Variants in ZNF475 observed in about 807,000 individuals in gnomAD.
The protein encoded by ZNF475 is zinc finger protein 475.
chr5:122,173,233 T>C, the ZNF475 span, among the ~76,000 whole-genome samples: 1 of 152,238 alleles, frequency 6.6e-6, no homozygotes, highest in Non-Finnish European at 1.5e-5. Context: ...TATTGAGTTG[T>C]GTATTTCACA....
At chr5:122,177,793 T>C in the ZNF475 span, among the ~76,000 whole-genome samples, 1 of 152,134 alleles carries the variant, frequency 6.6e-6, no homozygotes, top group African/African-American at 2.4e-5. Flanking sequence ...GTGTGCAGAA[T>C]GTGCAGGTTT....
the ZNF475 span, among the ~76,000 whole-genome samples, chr5:122,163,804 G>T: frequency 1.3e-5 from 2 of 152,326 alleles, no homozygotes; most frequent in African/African-American, 2.4e-5. Flanking sequence ...TGTGCACAGC[G>T]TCTTGGAAAT....
the ZNF475 span, among the ~76,000 whole-genome samples, chr5:122,178,917 G>A: frequency 6.6e-6 from 1 of 152,132 alleles, no homozygotes; most frequent in Non-Finnish European, 1.5e-5. Flanking sequence ...TTTGTATAAG[G>A]TGTAAGGAAG....
the ZNF475 span, chr5:122,182,644 G>C: frequency 6.5e-7 from 1 of 1,533,976 alleles, no homozygotes; most frequent in South Asian, 1.2e-5. Flanking sequence ...GCCAAGTAAA[G>C]CCCTTTTCTC....
At chr5:122,177,161 T>C in the ZNF475 span, among the ~76,000 whole-genome samples, 1 of 152,168 alleles carries the variant, frequency 6.6e-6, no homozygotes, top group East Asian at 1.9e-4. Context: ...GAATCAACCT[T>C]GGTGAGGAAA....
chr5:122,178,406 G>A, the ZNF475 span, among the ~76,000 whole-genome samples: 24 of 152,190 alleles, frequency 1.6e-4, no homozygotes, highest in Non-Finnish European at 4.4e-5. Flanking sequence ...TCCAGCATCT[G>A]TTGTTTCCTG....
chr5:122,164,529 G>C, the ZNF475 span, among the ~76,000 whole-genome samples: 1 of 152,156 alleles, frequency 6.6e-6, no homozygotes, highest in African/African-American at 2.4e-5. Flanking sequence ...CCACATGTTT[G>C]TGTGATAGCT....
chr5:122,169,298 T>A, the ZNF475 span, among the ~76,000 whole-genome samples: 1 of 152,226 alleles, frequency 6.6e-6, no homozygotes, highest in African/African-American at 2.4e-5. Flanking sequence ...CTTCCCTTTC[T>A]TTCTGCTTCA....
chr5:122,176,345 G>A, the ZNF475 span, among the ~76,000 whole-genome samples: 294 of 152,012 alleles, frequency 1.9e-3, no homozygotes, highest in African/African-American at 6.6e-3. Context: ...TACTGAATTT[G>A]CAGGCCTGTA....
the ZNF475 span, among the ~76,000 whole-genome samples, chr5:122,170,069 T>C: frequency 6.6e-6 from 1 of 152,228 alleles, no homozygotes; most frequent in Non-Finnish European, 1.5e-5. Flanking sequence ...CTGATATGTA[T>C]TCAACCATAA....
chr5:122,163,443 G>A, the ZNF475 span: 1 of 152,190 alleles, frequency 6.6e-6, no homozygotes, highest in African/African-American at 2.4e-5. Flanking sequence ...ACCAAGCATG[G>A]AGGGAGGGGA....
chr5:122,172,474 G>A, the ZNF475 span, among the ~76,000 whole-genome samples: 2 of 152,256 alleles, frequency 1.3e-5, no homozygotes, highest in East Asian at 1.9e-4. Context: ...ACTTCCTGGG[G>A]CTAATAGACA....
the ZNF475 span, among the ~76,000 whole-genome samples, chr5:122,174,648 C>A: frequency 6.6e-6 from 1 of 152,288 alleles, no homozygotes; most frequent in East Asian, 1.9e-4. Context: ...TGTCTTCTGA[C>A]CTCTGTGTCT....
At chr5:122,171,087 T>A in the ZNF475 span, among the ~76,000 whole-genome samples, 1 of 151,986 alleles carries the variant, frequency 6.6e-6, no homozygotes, top group Admixed American at 6.5e-5. Context: ...CTAATATTAA[T>A]TCTAATTCCA....
chr5:122,162,227 A>G, the ZNF475 span: 3 of 152,258 alleles, frequency 2.0e-5, no homozygotes, highest in African/African-American at 4.8e-5. Context: ...CTTAGGTTAA[A>G]AGGAACAAAA....
the ZNF475 span, among the ~76,000 whole-genome samples, chr5:122,175,862 A>C: frequency 6.6e-6 from 1 of 152,160 alleles, no homozygotes; most frequent in African/African-American, 2.4e-5. Flanking sequence ...CAACAAAACA[A>C]AGCTTTCTTT....
chr5:122,165,388 C>T, the ZNF475 span, among the ~76,000 whole-genome samples: 1 of 152,210 alleles, frequency 6.6e-6, no homozygotes, highest in South Asian at 2.1e-4. Context: ...ACAAAGTACA[C>T]ATTGACATAT....
the ZNF475 span, among the ~76,000 whole-genome samples, chr5:122,168,147 C>A: frequency 6.6e-6 from 1 of 152,170 alleles, no homozygotes; most frequent in Non-Finnish European, 1.5e-5. Context: ...CAGGTTCAAG[C>A]GATTCTCCCG....
At chr5:122,179,388 T>C in the ZNF475 span, among the ~76,000 whole-genome samples, 1 of 152,206 alleles carries the variant, frequency 6.6e-6, no homozygotes, top group East Asian at 1.9e-4. Context: ...GAATGTTTTT[T>C]CCATTTGTTT....
Sources: allele counts gnomAD v4.1 joint callset (sites outside exome capture counted in the v4.1 genomes callset), GRCh38; gene constraint gnomAD v4.1.1; transcripts MANE v1.5; gene names NCBI Gene and HGNC (gene_info 2026-07-23, HGNC 2026-07-21).